ADD3: variants seen among roughly 807,000 people sequenced by gnomAD.
ADD3 encodes the protein gamma-adducin.
A neutral mutation model predicts 80.2 loss-of-function variants in ADD3; 25 were observed. The ratio of observed to expected loss-of-function variants is 0.31; its 90% CI spans 0.23 to 0.44. The LOEUF is 0.44. Ranked by LOEUF, ADD3 falls within the 20% of genes least tolerant of loss-of-function variation. The pLI is 1.00. For missense variants in ADD3, 829 were observed against 847.5 expected, an observed-to-expected ratio of 0.98 and a Z score of 0.27; for synonymous variants, 284 against 289.6, an observed-to-expected ratio of 0.98 and a Z score of 0.20.
At chr10:110,089,150 A>G (rs1847167820) in intron 1 of ADD3, among the ~76,000 whole-genome samples, 1 of 152,178 alleles carries the variant, frequency 6.6e-6, no homozygotes, top group African/African-American at 2.4e-5. Context: ...AGTATGTGAG[A>G]GTTGATGTTT....
At chr10:110,001,323 G>T (rs963179162), upstream of ADD3, among the ~76,000 whole-genome samples, 1 of 151,832 alleles carries the variant, frequency 6.6e-6, no homozygotes, top group African/African-American at 2.4e-5. Context: ...GCTGAGGTGG[G>T]AGGATCGCTT....
At chr10:110,006,004 TGCCGCCGCCGCC>T, upstream of ADD3, 2 of 242,842 alleles carry the variant, frequency 8.2e-6, no homozygotes, top group Non-Finnish European at 1.7e-5. Flanking sequence ...CTGCTGCTGC[TGCCGCCGCCGCC>T]GCTGCTGCTG....
intron 2 of ADD3, among the ~76,000 whole-genome samples, chr10:110,102,027 C>G (rs1848868701): frequency 6.6e-6 from 1 of 152,110 alleles, no homozygotes. Flanking sequence ...GAATTCCACT[C>G]TTAAGTAATT....
chr10:110,032,086 T>C (rs1048594709), intron 1 of ADD3, among the ~76,000 whole-genome samples: 1 of 152,146 alleles, frequency 6.6e-6, no homozygotes, highest in Admixed American at 6.5e-5. Flanking sequence ...TCTCCTTTGC[T>C]AAATGCCAGG....
intron 2 of ADD3, among the ~76,000 whole-genome samples, chr10:110,108,911 C>A (rs1490092128): frequency 6.6e-6 from 1 of 152,080 alleles, no homozygotes; most frequent in African/African-American, 2.4e-5. Context: ...AGAAGCTATT[C>A]GTCAGCTTTA....
chr10:110,116,024 A>G (rs1850694052), intron 3 of ADD3, among the ~76,000 whole-genome samples: 1 of 152,214 alleles, frequency 6.6e-6, no homozygotes, highest in Non-Finnish European at 1.5e-5. Flanking sequence ...CTCCTTAGCA[A>G]GCACTACATG....
At chr10:110,103,484 A>G (rs75847411) in intron 2 of ADD3, among the ~76,000 whole-genome samples, 121 of 152,324 alleles carry the variant, frequency 7.9e-4, no homozygotes, top group African/African-American at 2.7e-3. Context: ...ATTCCTTGCC[A>G]CGTGGACTTT....
chr10:110,035,459 A>AG (rs1431632909), intron 1 of ADD3, among the ~76,000 whole-genome samples: 1 of 152,250 alleles, frequency 6.6e-6, no homozygotes, highest in Non-Finnish European at 1.5e-5. Flanking sequence ...TGACTCCATC[A>AG]GGAAGCGAAG....
At chr10:110,078,341 T>C (rs1444226064) in intron 1 of ADD3, among the ~76,000 whole-genome samples, 4 of 152,232 alleles carry the variant, frequency 2.6e-5, no homozygotes, top group Non-Finnish European at 4.4e-5. Flanking sequence ...TAAAGACACA[T>C]GACTATCCCA....
intron 1 of ADD3, among the ~76,000 whole-genome samples, chr10:110,090,693 T>C (rs1451013210): frequency 1.3e-5 from 2 of 152,234 alleles, no homozygotes; most frequent in Non-Finnish European, 2.9e-5. Flanking sequence ...AATTTGAAAC[T>C]GAAACACCCT....
Position 110,122,227 on chromosome 10 carries a change from T to G in ADD3, c.1078T>G (p.Ser360Ala), listed in dbSNP as rs151062640. The G allele has an allele frequency of 2.5e-5, 40 of 1,613,988 alleles. No homozygotes were observed. Among genetic ancestry groups the G allele is most frequent in the Non-Finnish European group, 3.1e-5 (36 of 1,179,990 alleles). Residue 360 changes from serine to alanine, a missense_variant, in exon 9 of 15, where the codon TCC (serine) becomes GCC (alanine). Coordinates refer to ENST00000356080, the MANE Select transcript of ADD3 (RefSeq NM_016824.5). Reference protein sequence around the residue: ...ASGGGGVNMGSHQKWKVGEIE... With the variant: ...ASGGGGVNMGAHQKWKVGEIE... ...TGGTGGAGGAGGTGTGAATATGGGT[T>G]CCCATCAAAAATGGAAGGTTGGCGA...
rs112522609 is a variant in ADD3 at position 110,089,451 on chromosome 10, C to G, written c.-29-11174C>G. On this transcript the variant is annotated intron_variant, in intron 1 of 14. Transcript: ENST00000356080. ...ATCCACTAGTCTCTGTCAGCTTTCTCTAAGGAAGGGGTTGGGATGTGGGGT... is the reference window on the plus strand; with the variant it reads ...ATCCACTAGTCTCTGTCAGCTTTCTGTAAGGAAGGGGTTGGGATGTGGGGT... Among the ~76,000 whole-genome samples, 559 of 152,142 alleles carry G rather than the reference C, an allele frequency of 3.7e-3. 3 individuals are homozygous for G. Among genetic ancestry groups the G allele is most frequent in the African/African-American group, 0.013 (526 of 41,548 alleles).
chr10:110,067,477 G>A (rs1345562756), intron 1 of ADD3, among the ~76,000 whole-genome samples: 1 of 152,158 alleles, frequency 6.6e-6, no homozygotes, highest in Non-Finnish European at 1.5e-5. Flanking sequence ...GGACCAGCAG[G>A]AATGAGTTTA....
chr10:110,115,234 C>A (rs1850575532), intron 3 of ADD3, among the ~76,000 whole-genome samples: 1 of 151,740 alleles, frequency 6.6e-6, no homozygotes, highest in African/African-American at 2.4e-5. Context: ...TACTAAAATA[C>A]AAAATTAGCT....
intron 1 of ADD3, among the ~76,000 whole-genome samples, chr10:110,093,345 A>G (rs1847783725): frequency 2.0e-5 from 3 of 152,210 alleles, no homozygotes. Context: ...TTGGTGTATT[A>G]TACTTGTCTT....
At chr10:110,119,711 A>G (rs1418422270) in intron 8 of ADD3, 147 bp downstream of exon 8, 41 of 636,512 alleles carry the variant, frequency 6.4e-5, no homozygotes, top group East Asian at 2.8e-5. Context: ...AGGGTTTTCA[A>G]CTCAGTTATC....
At chr10:110,093,548 G>C (rs1402837829) in intron 1 of ADD3, among the ~76,000 whole-genome samples, 2 of 152,206 alleles carry the variant, frequency 1.3e-5, no homozygotes, top group African/African-American at 4.8e-5. Context: ...GTCAGGTAAA[G>C]AGTTAAGACT....
At chr10:110,052,397 G>A (rs1435503867) in intron 1 of ADD3, among the ~76,000 whole-genome samples, 1 of 152,180 alleles carries the variant, frequency 6.6e-6, no homozygotes, top group African/African-American at 2.4e-5. Flanking sequence ...AACCACCTGA[G>A]CTCCACTTCC....
chr10:109,997,326 A>C (rs1192618454), intron 1 of ADD3, among the ~76,000 whole-genome samples: 11 of 152,218 alleles, frequency 7.2e-5, no homozygotes, highest in Non-Finnish European at 1.5e-5. Flanking sequence ...GCCAAGCTGC[A>C]GCAATGAGGT....
Sources: gnomAD v4.1 joint callset for allele counts (sites outside exome capture counted in the v4.1 genomes callset) on GRCh38, gnomAD v4.1.1 for gene constraint, MANE v1.5 for transcripts, NCBI Gene and HGNC (gene_info 2026-07-23, HGNC 2026-07-21) for gene names.